The following STARD13 variants were observed in gnomAD, a reference collection of about 807,000 sequenced individuals.
STARD13 encodes the protein StAR related lipid transfer domain containing 13.
A neutral mutation model predicts 106.4 loss-of-function variants in STARD13; 62 were observed. That is an observed-to-expected ratio of 0.58 (90% CI 0.48 to 0.72). The LOEUF is 0.72. STARD13 is among the 30% of genes least tolerant of loss of function. The pLI is 0.00. For synonymous variants in STARD13, 565 were observed against 553.0 expected, an observed-to-expected ratio of 1.02 and a Z score of -0.31; for missense variants, 1,387 against 1,424.0, an observed-to-expected ratio of 0.97 and a Z score of 0.42.
intron 4 of STARD13, among the ~76,000 whole-genome samples, chr13:33,131,502 C>A (rs1878289837): frequency 1.3e-5 from 2 of 151,832 alleles, no homozygotes; most frequent in Non-Finnish European, 2.9e-5. Flanking sequence ...CAGGTGAAGT[C>A]ATCAAGAGCC....
At chr13:33,267,527 G>T (rs1160168837) in intron 1 of STARD13, among the ~76,000 whole-genome samples, 2 of 152,162 alleles carry the variant, frequency 1.3e-5, no homozygotes, top group African/African-American at 4.8e-5. Context: ...ACTCTGGTGT[G>T]ATATTGTATT....
intron 1 of STARD13, among the ~76,000 whole-genome samples, chr13:33,236,137 C>T (rs572186690): frequency 6.6e-6 from 1 of 152,276 alleles, no homozygotes; most frequent in South Asian, 2.1e-4. Context: ...TTGGGGAACC[C>T]GAAGTGCCTT....
intron 7 of STARD13, among the ~76,000 whole-genome samples, chr13:33,120,972 C>T (rs1240002702): frequency 6.6e-6 from 1 of 152,152 alleles, no homozygotes; most frequent in Non-Finnish European, 1.5e-5. Context: ...AACTCCTGAC[C>T]TCAAGTGATC....
Position 33,130,960 on chromosome 13 carries a change from G to C in STARD13, c.388-671C>G, listed in dbSNP as rs960962173. Among the ~76,000 whole-genome samples, 1 of 152,212 alleles carries C rather than the reference G, an allele frequency of 6.6e-6. No homozygotes were observed. ...CGTCTTTTTCTGTGGAATCAACTCC[G>C]AGTCAGAATGCCGTTGGCAGGACGC... On this transcript the variant is annotated intron_variant, in intron 4 of 13. Coordinates refer to ENST00000336934, the MANE Select transcript of STARD13 (RefSeq NM_178006.4). This position sits in a 1 kb window ranked among gnomAD's most constrained non-coding sequence, Gnocchi z 4.1.
intron 1 of STARD13, among the ~76,000 whole-genome samples, chr13:33,182,750 C>T (rs527734446): frequency 1.2e-4 from 18 of 152,348 alleles, no homozygotes; most frequent in Admixed American, 6.5e-4. Context: ...AGGACTTCTG[C>T]AACAGAACCC....
chr13:33,660,041 G>A, the STARD13 span: 1 of 152,212 alleles, frequency 6.6e-6, no homozygotes, highest in Non-Finnish European at 1.5e-5. Flanking sequence ...AGTTTGAAAA[G>A]TTGAGAGGTC....
intron 1 of STARD13, among the ~76,000 whole-genome samples, chr13:33,273,588 T>A (rs1312002508): frequency 6.6e-6 from 1 of 152,198 alleles, no homozygotes; most frequent in Non-Finnish European, 1.5e-5. Flanking sequence ...GTGATCAGAT[T>A]TGTAGGCAGT....
chr13:33,667,136 C>T, the STARD13 span, among the ~76,000 whole-genome samples: 3 of 152,182 alleles, frequency 2.0e-5, no homozygotes, highest in Non-Finnish European at 4.4e-5. Flanking sequence ...ATTGTTCATT[C>T]TTGCCATTTC....
chr13:33,472,530 T>C, the STARD13 span, among the ~76,000 whole-genome samples: 2 of 151,224 alleles, frequency 1.3e-5, no homozygotes, highest in Non-Finnish European at 3.0e-5. Flanking sequence ...CTCCCCTCAG[T>C]TGCGAGTTGT....
the STARD13 span, among the ~76,000 whole-genome samples, chr13:33,436,625 G>C: frequency 0.044 from 6,704 of 152,172 alleles, 476 homozygotes; most frequent in African/African-American, 0.15. Flanking sequence ...AAACTGGGAG[G>C]AATTATCCCA....
the STARD13 span, among the ~76,000 whole-genome samples, chr13:33,557,922 G>C: frequency 6.6e-6 from 1 of 152,210 alleles, no homozygotes; most frequent in African/African-American, 2.4e-5. Flanking sequence ...ATAGCTGTGA[G>C]AGTTTCCTTT....
the STARD13 span, among the ~76,000 whole-genome samples, chr13:33,451,105 C>A: frequency 7.9e-5 from 12 of 152,010 alleles, no homozygotes; most frequent in African/African-American, 2.9e-4. Flanking sequence ...GTTTTGAACT[C>A]CTGGGCTCAA....
At chr13:33,135,494 T>G (rs1389469825) in intron 4 of STARD13, among the ~76,000 whole-genome samples, 1 of 152,222 alleles carries the variant, frequency 6.6e-6, no homozygotes, top group African/African-American at 2.4e-5. Flanking sequence ...TAAACCAAAG[T>G]GTATAATGTA....
chr13:33,434,640 G>C, the STARD13 span, among the ~76,000 whole-genome samples: 36 of 151,994 alleles, frequency 2.4e-4, 1 homozygote, highest in Middle Eastern at 0.014. Context: ...CTTCAAACTG[G>C]GGTATTCGGC....
chr13:33,280,124 A>G (rs1891695238), intron 1 of STARD13: 1 of 152,238 alleles, frequency 6.6e-6, no homozygotes, highest in Non-Finnish European at 1.5e-5. Flanking sequence ...AGAAAGGGCA[A>G]TTCCAAAAGA....
At chr13:33,229,823 A>G (rs920490489) in intron 1 of STARD13, among the ~76,000 whole-genome samples, 3 of 152,252 alleles carry the variant, frequency 2.0e-5, no homozygotes, top group Non-Finnish European at 4.4e-5. Context: ...CAGAAGCCTC[A>G]GTGAGGCACA....
At chr13:33,417,864 A>C in the STARD13 span, among the ~76,000 whole-genome samples, 2 of 152,168 alleles carry the variant, frequency 1.3e-5, no homozygotes, top group South Asian at 4.1e-4. Flanking sequence ...GATAGCTGCA[A>C]AACTCTGTGA....
At chr13:33,570,477 T>C in the STARD13 span, among the ~76,000 whole-genome samples, 14 of 148,314 alleles carry the variant, frequency 9.4e-5, 2 homozygotes, top group South Asian at 2.6e-3. Flanking sequence ...GGCAAGAGCA[T>C]TATATTTAAA....
chr13:33,309,355 G>T (rs945390597), intron 1 of STARD13, among the ~76,000 whole-genome samples: 20 of 152,154 alleles, frequency 1.3e-4, no homozygotes, highest in African/African-American at 4.8e-4. Context: ...AGAGCTGGAA[G>T]TAGGGAAGTC....
Sources: allele counts gnomAD v4.1 joint callset (sites outside exome capture counted in the v4.1 genomes callset), GRCh38; gene constraint gnomAD v4.1.1; non-coding constraint Gnocchi (gnomAD v3.1); transcripts MANE v1.5; gene names NCBI Gene and HGNC (gene_info 2026-07-23, HGNC 2026-07-21).